Variants in NELL1 observed in about 807,000 individuals in gnomAD.
NELL1 encodes neural EGFL like 1.
In NELL1, 76 loss-of-function variants were observed where a neutral mutation model predicts 107.4. The ratio of observed to expected loss-of-function variants is 0.71; its 90% confidence interval spans 0.59 to 0.86. The LOEUF (loss-of-function observed/expected upper bound fraction) is 0.86. Among genes scored for constraint, NELL1 ranks in the 40% least tolerant of loss-of-function variants. NELL1 has a pLI of 0.00. For missense variants in NELL1, 1,024 were observed against 1,005.5 expected, an observed-to-expected ratio of 1.02 and a Z score of -0.25; for synonymous variants, 353 against 341.2, an observed-to-expected ratio of 1.03 and a Z score of -0.38.
intron 17 of NELL1, 100 bp downstream of exon 17, chr11:21,560,482 T>C: frequency 1.9e-6 from 2 of 1,077,604 alleles, no homozygotes; most frequent in Non-Finnish European, 2.6e-6. Context: ...TTGACTGTAG[T>C]TCCTGAACAG....
chr11:20,728,849 A>G (rs930066506), intron 2 of NELL1, among the ~76,000 whole-genome samples: 3 of 152,110 alleles, frequency 2.0e-5, no homozygotes, highest in African/African-American at 7.2e-5. Context: ...GAAAAATGAC[A>G]TTGGTTATTT....
intron 12 of NELL1, among the ~76,000 whole-genome samples, chr11:21,045,325 T>C (rs1853329614): frequency 6.6e-6 from 1 of 152,100 alleles, no homozygotes; most frequent in East Asian, 1.9e-4. Context: ...TCTGAAGTGG[T>C]TTGAGGGAAG....
At position 21,192,522 on chromosome 11, in the gene NELL1, A is replaced by G. The variant is rs539158176; in HGVS notation, c.1427-36810A>G. Reference sequence around the variant, plus strand: ...TGCAATGAAAAGTGAGCATTAGGCTATTACTGTAATTGCTTATCACTATTT... The same window carrying G: ...TGCAATGAAAAGTGAGCATTAGGCTGTTACTGTAATTGCTTATCACTATTT... On this transcript the variant is annotated intron_variant, in intron 13 of 19. Coordinates refer to ENST00000357134, the MANE Select transcript of NELL1 (RefSeq NM_006157.5). 5.3e-5 allele frequency among the ~76,000 whole-genome samples: 8 copies of G among 151,874 alleles called. No individual in the cohort carries two copies. The South Asian group carries it at 1.4e-3, about 28-fold the overall frequency.
chr11:20,739,105 A>G (rs1855828319), intron 2 of NELL1, among the ~76,000 whole-genome samples: 1 of 152,252 alleles, frequency 6.6e-6, no homozygotes, highest in Non-Finnish European at 1.5e-5. Context: ...CTCAGTAATC[A>G]TGCTGTATTG....
intron 12 of NELL1, among the ~76,000 whole-genome samples, chr11:20,963,104 T>G (rs1851321652): frequency 6.6e-6 from 1 of 152,134 alleles, no homozygotes; most frequent in Admixed American, 6.6e-5. Context: ...TTTCCGTGAT[T>G]GCATGATGAC....
intron 16 of NELL1, among the ~76,000 whole-genome samples, chr11:21,539,870 G>T (rs529132235): frequency 2.0e-5 from 3 of 151,556 alleles, no homozygotes; most frequent in African/African-American, 2.4e-5. Context: ...CCCATTTAGG[G>T]CTCCCTTTGC....
At chr11:20,808,503 C>G (rs1857432707) in intron 3 of NELL1, among the ~76,000 whole-genome samples, 1 of 152,188 alleles carries the variant, frequency 6.6e-6, no homozygotes. Context: ...GCAAGCACTC[C>G]CTTGGCCACA....
chr11:21,092,911 C>T (rs1177276328), intron 12 of NELL1, among the ~76,000 whole-genome samples: 1 of 151,808 alleles, frequency 6.6e-6, no homozygotes, highest in Non-Finnish European at 1.5e-5. Flanking sequence ...CAGATGAACG[C>T]AGAAATCTAG....
chr11:21,540,349 C>T (rs962063756), intron 16 of NELL1, among the ~76,000 whole-genome samples: 1 of 152,132 alleles, frequency 6.6e-6, no homozygotes, highest in Non-Finnish European at 1.5e-5. Flanking sequence ...CCAACCTGCA[C>T]ACCCTTCCCA....
intron 3 of NELL1, among the ~76,000 whole-genome samples, chr11:20,847,291 C>G (rs926262271): frequency 1.3e-5 from 2 of 152,122 alleles, no homozygotes; most frequent in Non-Finnish European, 2.9e-5. Flanking sequence ...CTGATTTGTA[C>G]TTTGAAGTAT....
chr11:20,688,883 C>G (rs1351138480), intron 2 of NELL1, among the ~76,000 whole-genome samples: 14 of 152,096 alleles, frequency 9.2e-5, no homozygotes, highest in Admixed American at 8.5e-4. Context: ...TTCCTTTTCT[C>G]TGCAGCCTCA....
At chr11:20,984,497 C>T (rs1290146756) in intron 12 of NELL1, among the ~76,000 whole-genome samples, 5 of 152,202 alleles carry the variant, frequency 3.3e-5, no homozygotes, top group African/African-American at 1.2e-4. Context: ...CTAGTATGGG[C>T]TTGTCTGATG....
chr11:21,195,637 T>C (rs1405640711), intron 13 of NELL1, among the ~76,000 whole-genome samples: 2 of 151,860 alleles, frequency 1.3e-5, no homozygotes, highest in South Asian at 4.2e-4. Flanking sequence ...TATATCCAAA[T>C]ATTATTTCAA....
chr11:21,469,774 A>G (rs1423991129), intron 15 of NELL1, among the ~76,000 whole-genome samples: 1 of 152,096 alleles, frequency 6.6e-6, no homozygotes, highest in African/African-American at 2.4e-5. Context: ...TGAGATAAGC[A>G]AGGGATGCTA....
intron 15 of NELL1, among the ~76,000 whole-genome samples, chr11:21,525,643 G>A (rs899446334): frequency 1.3e-5 from 2 of 152,156 alleles, no homozygotes; most frequent in Non-Finnish European, 2.9e-5. Context: ...AATTTAGAAA[G>A]GAAAGAGGTT....
At chr11:21,147,044 A>C (rs1855997022) in intron 13 of NELL1, among the ~76,000 whole-genome samples, 1 of 152,194 alleles carries the variant, frequency 6.6e-6, no homozygotes, top group African/African-American at 2.4e-5. Flanking sequence ...ACTCCTTCTC[A>C]AAAGAAGAGT....
intron 10 of NELL1, among the ~76,000 whole-genome samples, chr11:20,945,523 G>T (rs1179135855): frequency 6.6e-6 from 1 of 152,222 alleles, no homozygotes; most frequent in Non-Finnish European, 1.5e-5. Context: ...CGCACATAGA[G>T]CTGACAAAAG....
intron 15 of NELL1, among the ~76,000 whole-genome samples, chr11:21,379,844 C>T (rs979070739): frequency 6.6e-6 from 1 of 152,082 alleles, no homozygotes; most frequent in Non-Finnish European, 1.5e-5. Flanking sequence ...TGTGCTCTTT[C>T]ATATTTTATA....
intron 12 of NELL1, among the ~76,000 whole-genome samples, chr11:20,984,610 C>T (rs1348465240): frequency 6.6e-6 from 1 of 152,048 alleles, no homozygotes; most frequent in African/African-American, 2.4e-5. Flanking sequence ...TTACATTTTT[C>T]CTAGCCTTTA....
Sources: gnomAD v4.1 joint callset for allele counts (sites outside exome capture counted in the v4.1 genomes callset) on GRCh38, gnomAD v4.1.1 for gene constraint, MANE v1.5 for transcripts, NCBI Gene and HGNC (gene_info 2026-07-23, HGNC 2026-07-21) for gene names.